OCA2: variants seen among roughly 807,000 people sequenced by gnomAD.
OCA2 encodes the protein OCA2 melanosomal transmembrane protein, also known as P protein.
A neutral mutation model predicts 100.2 loss-of-function variants in OCA2; 77 were observed. The observed-to-expected ratio is 0.77, with a 90% CI of 0.64 to 0.93. The LOEUF (loss-of-function observed/expected upper bound fraction) is 0.93. OCA2 is among the 40% of genes least tolerant of loss of function. OCA2 has a pLI of 0.00. For synonymous variants in OCA2, 432 were observed against 439.2 expected, an observed-to-expected ratio of 0.98 and a Z score of 0.21; for missense variants, 1,062 against 1,089.1, an observed-to-expected ratio of 0.98 and a Z score of 0.35.
intron 2 of OCA2, among the ~76,000 whole-genome samples, chr15:28,053,363 C>T (rs773304731): frequency 2.0e-5 from 3 of 152,162 alleles, no homozygotes; most frequent in South Asian, 2.1e-4. Flanking sequence ...GACCAGGAAA[C>T]GCCCCCCAAC....
chr15:27,876,111 A>G (rs2036779838), intron 19 of OCA2, among the ~76,000 whole-genome samples: 1 of 152,056 alleles, frequency 6.6e-6, no homozygotes, highest in Non-Finnish European at 1.5e-5. Context: ...AAAATAATTA[A>G]GTTTTTCGCC....
intron 21 of OCA2, among the ~76,000 whole-genome samples, chr15:27,856,526 G>A (rs529371114): frequency 1.8e-4 from 28 of 152,202 alleles, no homozygotes; most frequent in Non-Finnish European, 3.2e-4. Context: ...AGGCAATAAC[G>A]ACCTTGTCCT....
At chr15:27,928,057 G>A (rs529539181) in intron 18 of OCA2, among the ~76,000 whole-genome samples, 3 of 152,162 alleles carry the variant, frequency 2.0e-5, no homozygotes, top group Admixed American at 2.0e-4. Context: ...TTCCCAAAGC[G>A]CTGGAATTAC....
chr15:27,733,322 G>A, the OCA2 span, among the ~76,000 whole-genome samples: 1 of 151,978 alleles, frequency 6.6e-6, no homozygotes, highest in Non-Finnish European at 1.5e-5. Context: ...ACATTTCACC[G>A]CCCCTGTGGT....
intron 14 of OCA2, among the ~76,000 whole-genome samples, chr15:27,981,023 A>G (rs773025807): frequency 6.6e-6 from 1 of 152,192 alleles, no homozygotes; most frequent in Non-Finnish European, 1.5e-5. Flanking sequence ...AAATTTTCCC[A>G]TAGCTCACTA....
At chr15:27,762,848 A>G (rs1181027578) in intron 23 of OCA2, among the ~76,000 whole-genome samples, 1 of 152,214 alleles carries the variant, frequency 6.6e-6, no homozygotes, top group Non-Finnish European at 1.5e-5. Context: ...CATGCTGATA[A>G]CACATGTACC....
chr15:27,890,363 C>G (rs2037405864), intron 19 of OCA2, among the ~76,000 whole-genome samples: 3 of 152,122 alleles, frequency 2.0e-5, no homozygotes, highest in African/African-American at 4.8e-5. Context: ...TGAACAAACC[C>G]TAGGAACAGG....
the OCA2 span, among the ~76,000 whole-genome samples, chr15:27,739,532 A>G: frequency 7.6e-6 from 1 of 131,710 alleles, no homozygotes; most frequent in African/African-American, 3.0e-5. Context: ...TGCAACCTCC[A>G]CCTCCCGGGT....
intron 19 of OCA2, chr15:27,896,309 T>G (rs973228391): frequency 1.1e-6 from 1 of 943,076 alleles, no homozygotes; most frequent in Non-Finnish European, 1.7e-6. Flanking sequence ...ATGTTGCAGA[T>G]TACATGTGCT....
intron 23 of OCA2, among the ~76,000 whole-genome samples, chr15:27,778,052 G>T (rs1458847332): frequency 1.3e-5 from 2 of 152,140 alleles, no homozygotes; most frequent in Non-Finnish European, 2.9e-5. Flanking sequence ...CCACATTTCA[G>T]GAGGAAAACT....
At chr15:27,839,282 AAG>A (rs2035263044) in intron 23 of OCA2, among the ~76,000 whole-genome samples, 1 of 152,252 alleles carries the variant, frequency 6.6e-6, no homozygotes, top group African/African-American at 2.4e-5. Context: ...TTTAGAAAAT[AAG>A]AGAGCAAAAA....
At chr15:27,720,749 C>T in the OCA2 span, among the ~76,000 whole-genome samples, 1 of 152,152 alleles carries the variant, frequency 6.6e-6, no homozygotes, top group Non-Finnish European at 1.5e-5. Flanking sequence ...GGTGTACACA[C>T]ATGTCACAAT....
chr15:27,823,804 T>C (rs901807723), intron 23 of OCA2, among the ~76,000 whole-genome samples: 32 of 152,294 alleles, frequency 2.1e-4, no homozygotes, highest in African/African-American at 7.5e-4. Context: ...ACAATAAAAA[T>C]AAAATGCAAT....
At chr15:27,888,643 A>G (rs1036412769) in intron 19 of OCA2, among the ~76,000 whole-genome samples, 1 of 152,210 alleles carries the variant, frequency 6.6e-6, no homozygotes, top group Non-Finnish European at 1.5e-5. Flanking sequence ...TAAAATATAC[A>G]ATAACAGAAT....
intron 9 of OCA2, among the ~76,000 whole-genome samples, chr15:28,000,914 G>T (rs538531090): frequency 9.7e-4 from 147 of 152,224 alleles, no homozygotes; most frequent in African/African-American, 3.3e-3. Flanking sequence ...ATGAGATATG[G>T]CCTAACACCT....
At chr15:27,884,612 C>A (rs1345331646) in intron 19 of OCA2, among the ~76,000 whole-genome samples, 1 of 152,122 alleles carries the variant, frequency 6.6e-6, no homozygotes, top group Non-Finnish European at 1.5e-5. Context: ...GTTGTTCATT[C>A]ACATTGGAAT....
At chr15:27,746,410 G>A in the OCA2 span, among the ~76,000 whole-genome samples, 5 of 152,142 alleles carry the variant, frequency 3.3e-5, no homozygotes, top group South Asian at 2.1e-4. Context: ...GCAGTGAGCC[G>A]AGATCGTGCC....
Position 27,926,243 on chromosome 15 carries a change from T to C in OCA2, c.1963A>G (p.Ile655Val). 6.2e-7 allele frequency: 1 copy of C among 1,614,032 alleles called. No homozygotes were observed. Among genetic ancestry groups the C allele is most frequent in the Non-Finnish European group, 8.5e-7 (1 of 1,179,920 alleles). ...GIHLDLGWIA[I>V]LGAIWLLILA... ...ATTAGCAACCAGATGGCACCCAGAA[T>C]AGCAATCCATCCTGAAAATAAGTAA... The change falls in exon 19 of 24, where the codon ATT (isoleucine) becomes GTT (valine). Residue 655 changes from isoleucine to valine, a missense_variant. By Grantham distance (29) the Ile-to-Val change is conservative (BLOSUM62 3). Coordinates refer to ENST00000354638, the MANE Select transcript of OCA2 (RefSeq NM_000275.3).
At chr15:28,030,263 G>A (rs1331511583) in intron 3 of OCA2, among the ~76,000 whole-genome samples, 2 of 152,152 alleles carry the variant, frequency 1.3e-5, no homozygotes, top group African/African-American at 4.8e-5. Flanking sequence ...CAGGATGTAC[G>A]ATGAAGAGGG....
Sources: allele counts gnomAD v4.1 joint callset (sites outside exome capture counted in the v4.1 genomes callset), GRCh38; gene constraint gnomAD v4.1.1; transcripts MANE v1.5; gene names NCBI Gene and HGNC (gene_info 2026-07-23, HGNC 2026-07-21).